TNN: variants seen among roughly 807,000 people sequenced by gnomAD.
The protein encoded by TNN is tenascin N, also known as tenascin-N.
Under a neutral mutation model 134.4 loss-of-function variants are expected in TNN, and 122 were observed. The observed-to-expected ratio is 0.91, with a 90% CI of 0.78 to 1.06. TNN has a LOEUF of 1.06. TNN is among the 50% of genes least tolerant of loss of function. The pLI is 0.00. For synonymous variants in TNN, 710 were observed against 670.3 expected (o/e 1.06, Z -0.91); for missense variants, 1,739 against 1,699.4 (o/e 1.02, Z -0.41).
chr1:175,075,210 T>A (rs894328628), intron 1 of TNN, among the ~76,000 whole-genome samples: 1 of 152,244 alleles, frequency 6.6e-6, no homozygotes, highest in Non-Finnish European at 1.5e-5. Context: ...AAATTAAACA[T>A]TTTACATATT....
intron 15 of TNN, 122 bp from the exon 16 acceptor site, chr1:175,135,723 T>C: frequency 1.4e-6 from 1 of 736,160 alleles, no homozygotes; most frequent in Non-Finnish European, 2.4e-6. Flanking sequence ...AAAGCCTCTC[T>C]AGAATGAAAG....
Position 175,077,687 on chromosome 1 carries a change from T to A in TNN, c.269T>A (p.Ile90Asn). Residue 90 changes from isoleucine to asparagine, a missense_variant, in exon 2 of 19, where the codon ATC becomes AAC. Transcript: ENST00000239462. ...CAGAACATCATCTTCAGGCACAACATCCGCCTTCAGACGCCACAGAAGGAC... is the reference window on the plus strand; with the variant it reads ...CAGAACATCATCTTCAGGCACAACAACCGCCTTCAGACGCCACAGAAGGAC... ...EEQNIIFRHN[I>N]RLQTPQKDCE... The A allele has an allele frequency of 1.2e-6, 2 of 1,614,124 alleles. No homozygotes were observed. The highest frequency in any genetic ancestry group is 1.7e-6 in the Non-Finnish European group (2 of 1,180,026).
chr1:175,085,305 C>A, intron 5 of TNN, 100 bp from the exon 6 acceptor site: 1 of 759,338 alleles, frequency 1.3e-6, no homozygotes, highest in Non-Finnish European at 2.3e-6. Flanking sequence ...GAAGCATCAC[C>A]TCTCATCTTC....
intron 17 of TNN, among the ~76,000 whole-genome samples, chr1:175,137,403 C>G (rs980274470): frequency 7.8e-5 from 5 of 64,122 alleles, no homozygotes; most frequent in Non-Finnish European, 1.9e-4. Flanking sequence ...ATTATTTGAG[C>G]TTTTGGTGGC....
intron 2 of TNN, among the ~76,000 whole-genome samples, chr1:175,078,858 A>C (rs1674117909): frequency 6.6e-6 from 1 of 152,126 alleles, no homozygotes; most frequent in Admixed American, 6.6e-5. Context: ...ATCTGGGCTC[A>C]TTTCACAAGG....
Position 175,079,405 on chromosome 1 carries a change from G to A in TNN, c.482G>A (p.Arg161Lys). The A allele has an allele frequency of 6.3e-7, 1 of 1,597,146 alleles. No individual in the cohort carries two copies. Among genetic ancestry groups the A allele is most frequent in the Non-Finnish European group, 8.5e-7 (1 of 1,175,318 alleles). The change falls in exon 3 of 19, where the codon AGG (arginine) becomes AAG (lysine). Residue 161 changes from arginine to lysine, a missense_variant. Physicochemically the swap from Arg to Lys is conservative, Grantham distance 26. Coordinates refer to ENST00000239462, the MANE Select transcript of TNN (RefSeq NM_022093.2). ...TGCAGCTGCCACTGCGAAGAGGGCA[G>A]GGAGGGCCCCGCCTGCGAGCGGCTG... ...ETCSCHCEEG[R>K]EGPACERLAC...
At chr1:175,122,609 G>GT (rs1338798760) in intron 11 of TNN, among the ~76,000 whole-genome samples, 1 of 152,246 alleles carries the variant, frequency 6.6e-6, no homozygotes, top group African/African-American at 2.4e-5. Flanking sequence ...AGAATGGCAA[G>GT]TATGCATTAG....
intron 1 of TNN, among the ~76,000 whole-genome samples, chr1:175,074,214 G>A (rs1458066116): frequency 6.6e-6 from 1 of 152,044 alleles, no homozygotes; most frequent in African/African-American, 2.4e-5. Flanking sequence ...CAGGTGTAGT[G>A]GCTCATGGCT....
chr1:175,130,183 T>C (rs1675638728), intron 15 of TNN, among the ~76,000 whole-genome samples: 1 of 152,208 alleles, frequency 6.6e-6, no homozygotes, highest in Admixed American at 6.5e-5. Flanking sequence ...CGCAACTCAC[T>C]GTGGGAAAGA....
At chr1:175,077,879 A>G (rs767883941) in intron 2 of TNN, 52 bp downstream of exon 2, 1 of 1,548,978 alleles carries the variant, frequency 6.5e-7, no homozygotes. Context: ...AGCACCTATT[A>G]TGTGCCAGGG....
rs59045048 is a variant in TNN at position 175,085,644 on chromosome 1, G to A, written c.1324+150G>A. The A allele has an allele frequency of 8.3e-3, 5,296 of 635,550 alleles. 196 individuals carry two copies. In the African/African-American group the frequency reaches 0.084, roughly 10 times the overall value. The allele number at this position is 635,550 out of a possible 1,614,324, so 39.4% of individuals were successfully genotyped here. A position where few individuals can be genotyped will look rare whatever the true frequency, so the allele number is the denominator to read the frequency against. ...AATCCCAGCACTTTGGGAGGCCAAG[G>A]CAGGCGGATCACCTGATGTCGGGAG... On this transcript the variant is annotated intron_variant, in intron 6 of 18. Transcript: ENST00000239462.
chr1:175,073,114 G>C (rs1341579216), intron 1 of TNN, among the ~76,000 whole-genome samples: 1 of 152,010 alleles, frequency 6.6e-6, no homozygotes, highest in African/African-American at 2.4e-5. Flanking sequence ...GTGCTGCCAT[G>C]AACACAGTAG....
intron 10 of TNN, 84 bp from the exon 11 acceptor site, chr1:175,118,477 G>T (rs1031816659): frequency 1.4e-4 from 210 of 1,535,348 alleles, no homozygotes; most frequent in Non-Finnish European, 1.8e-4. Context: ...ACATGAAAGG[G>T]TTTCACCCCA....
chr1:175,088,547 G>A (rs6656377), intron 6 of TNN, among the ~76,000 whole-genome samples: 42,876 of 151,860 alleles, frequency 0.28, 6,157 homozygotes, highest in South Asian at 0.33. Context: ...TTTTATCTTG[G>A]CCTCCGTGGC....
intron 9 of TNN, among the ~76,000 whole-genome samples, chr1:175,111,699 C>T (rs745978412): frequency 2.6e-5 from 4 of 151,622 alleles, no homozygotes; most frequent in African/African-American, 7.3e-5. Flanking sequence ...TTCCTTGCAG[C>T]GATCTTTCAC....
Position 175,085,412 on chromosome 1 carries a change from C to T in TNN, c.1242C>T (p.His414=), listed in dbSNP as rs1573758. 810,399 of 1,602,786 alleles carry T rather than the reference C, an allele frequency of 0.51. 207,941 individuals carry two copies. Among genetic ancestry groups the T allele is most frequent in the African/African-American group, 0.68 (50,959 of 74,682 alleles). ...CTGCCTGCTTGTTTCCAGGTCTGCA[C>T]CCGGGGACTGAGTATAAGATCACGG... is the stretch of plus-strand genomic sequence containing the variant. ...PKSRYDITGL[H]PGTEYKITVV... is the part of the protein sequence containing the mutation. The change falls in exon 6 of 19, where the codon CAC becomes CAT. Residue 414 remains histidine (H), a synonymous_variant. Transcript: ENST00000239462.
chr1:175,074,724 A>G (rs540075431), intron 1 of TNN, among the ~76,000 whole-genome samples: 1 of 152,288 alleles, frequency 6.6e-6, no homozygotes, highest in South Asian at 2.1e-4. Flanking sequence ...AACACAAAGA[A>G]AAACCCTTCA....
At position 175,127,082 on chromosome 1, in the gene TNN, T is replaced by C; in HGVS notation, c.3042T>C (p.Val1014=). The C allele has an allele frequency of 6.2e-7, 1 of 1,613,534 alleles. No homozygotes were observed. The change falls in exon 13 of 19, where the codon GTT becomes GTC. Residue 1014 remains valine, a synonymous_variant. Transcript: ENST00000239462. ...CTTACCAGTTCCCAGATGGCACAGT[T>C]AAGGTACGGGGATTCCTTGTCTTTT... ...ILTYQFPDGT[V]KEMQLGREDQ... is the part of the protein sequence containing the mutation.
At chr1:175,103,647 T>C (rs930453237) in intron 9 of TNN, among the ~76,000 whole-genome samples, 3 of 145,544 alleles carry the variant, frequency 2.1e-5, no homozygotes, top group Admixed American at 6.9e-5. Flanking sequence ...TTAACTTTTT[T>C]TTTGACTTTC....
Sources: allele counts gnomAD v4.1 joint callset (sites outside exome capture counted in the v4.1 genomes callset), GRCh38; gene constraint gnomAD v4.1.1; transcripts MANE v1.5; gene names NCBI Gene and HGNC (gene_info 2026-07-23, HGNC 2026-07-21).